Variants in LDB2 observed in about 807,000 individuals in gnomAD.
LDB2 encodes LIM domain binding 2.
A neutral mutation model predicts 44.3 loss-of-function variants in LDB2; 12 were observed. The observed-to-expected ratio is 0.27, with a 90% CI of 0.17 to 0.44. The LOEUF (loss-of-function observed/expected upper bound fraction) is 0.44, where lower values mean the gene tolerates loss of function less well. LDB2 is among the 20% of genes least tolerant of loss of function. The pLI is 1.00. For synonymous variants in LDB2, 164 were observed against 174.8 expected (o/e 0.94, Z 0.49); for missense variants, 344 against 473.5 (o/e 0.73, Z 2.54).
At chr4:16,732,809 G>T (rs566523712) in intron 2 of LDB2, among the ~76,000 whole-genome samples, 1 of 152,302 alleles carries the variant, frequency 6.6e-6, no homozygotes, top group East Asian at 1.9e-4. Context: ...TTTCTGAAAA[G>T]AGTTTTGGCA....
At chr4:16,727,374 T>A (rs1759735615) in intron 2 of LDB2, among the ~76,000 whole-genome samples, 1 of 152,180 alleles carries the variant, frequency 6.6e-6, no homozygotes, top group Non-Finnish European at 1.5e-5. Context: ...TGTGTGTCTG[T>A]CAAGCCCACA....
At chr4:16,641,081 A>C (rs1735020356) in intron 2 of LDB2, among the ~76,000 whole-genome samples, 1 of 152,198 alleles carries the variant, frequency 6.6e-6, no homozygotes, top group Admixed American at 6.5e-5. Flanking sequence ...ATGGACATAG[A>C]TGGAAACTGG....
At chr4:16,804,997 C>A (rs773264097) in intron 1 of LDB2, among the ~76,000 whole-genome samples, 4 of 151,966 alleles carry the variant, frequency 2.6e-5, no homozygotes, top group Non-Finnish European at 4.4e-5. Context: ...AGACATCCAC[C>A]TTCTCTCTGT....
intron 5 of LDB2, among the ~76,000 whole-genome samples, chr4:16,572,589 G>A (rs1746965719): frequency 6.6e-6 from 1 of 151,900 alleles, no homozygotes; most frequent in Non-Finnish European, 1.5e-5. Flanking sequence ...GTATATATAT[G>A]TGTGTGTGTG....
intron 2 of LDB2, among the ~76,000 whole-genome samples, chr4:16,742,677 A>G (rs1423781198): frequency 4.6e-5 from 7 of 152,214 alleles, no homozygotes; most frequent in African/African-American, 1.7e-4. Flanking sequence ...AAAAAAGCAG[A>G]GGACGCTCAT....
intron 5 of LDB2, among the ~76,000 whole-genome samples, chr4:16,541,940 G>T (rs1249194627): frequency 6.6e-6 from 1 of 152,046 alleles, no homozygotes; most frequent in Non-Finnish European, 1.5e-5. Context: ...GCTGTACATG[G>T]TTTTTTCCCA....
At chr4:16,758,764 A>T (rs1412438457) in intron 2 of LDB2, among the ~76,000 whole-genome samples, 10 of 152,232 alleles carry the variant, frequency 6.6e-5, no homozygotes. Flanking sequence ...GATGTGGCTG[A>T]TACAGTGACA....
At chr4:16,601,502 C>T (rs538892727) in intron 2 of LDB2, among the ~76,000 whole-genome samples, 2 of 152,176 alleles carry the variant, frequency 1.3e-5, no homozygotes, top group African/African-American at 4.8e-5. Flanking sequence ...TGCCATTTAA[C>T]ATATTATCAC....
chr4:16,803,712 A>G (rs1042746108), intron 1 of LDB2, among the ~76,000 whole-genome samples: 7 of 152,206 alleles, frequency 4.6e-5, no homozygotes, highest in African/African-American at 1.7e-4. Flanking sequence ...CTTTATTTTC[A>G]TTGTTGCTGA....
chr4:16,698,772 C>A (rs956182036), intron 2 of LDB2, among the ~76,000 whole-genome samples: 2 of 152,100 alleles, frequency 1.3e-5, no homozygotes, highest in African/African-American at 4.8e-5. Context: ...TAAGTAAATG[C>A]AAACTTATTA....
chr4:16,726,992 C>T (rs183227587), intron 2 of LDB2, among the ~76,000 whole-genome samples: 4 of 152,132 alleles, frequency 2.6e-5, no homozygotes, highest in South Asian at 4.2e-4. Context: ...TAACATGGGT[C>T]GGTTTGCTTT....
At chr4:16,831,530 A>T (rs1052977797) in intron 1 of LDB2, among the ~76,000 whole-genome samples, 25 of 152,120 alleles carry the variant, frequency 1.6e-4, no homozygotes, top group Admixed American at 3.9e-4. Flanking sequence ...GGCTTTGAAG[A>T]AGGCAGTGGT....
chr4:16,624,918 A>G (rs1192495169), intron 2 of LDB2, among the ~76,000 whole-genome samples: 1 of 152,208 alleles, frequency 6.6e-6, no homozygotes, highest in Non-Finnish European at 1.5e-5. Flanking sequence ...GGATGGTTAA[A>G]ATACTCAGAG....
At chr4:16,563,480 G>A (rs1414228863) in intron 5 of LDB2, among the ~76,000 whole-genome samples, 7 of 103,402 alleles carry the variant, frequency 6.8e-5, no homozygotes, top group Admixed American at 3.2e-4. Context: ...ATGGAGTCTC[G>A]CTCTGTCACC....
intron 2 of LDB2, among the ~76,000 whole-genome samples, chr4:16,740,563 T>A (rs1431931339): frequency 6.6e-6 from 1 of 152,224 alleles, no homozygotes; most frequent in African/African-American, 2.4e-5. Flanking sequence ...TCATGAACTT[T>A]CTGCATCGGT....
At chr4:16,646,494 C>T (rs1008247163) in intron 2 of LDB2, among the ~76,000 whole-genome samples, 3 of 152,178 alleles carry the variant, frequency 2.0e-5, no homozygotes, top group Admixed American at 1.3e-4. Context: ...GTGTGACTTG[C>T]TTTGGCCAAA....
At chr4:16,858,731 T>C (rs1047319887) in intron 1 of LDB2, among the ~76,000 whole-genome samples, 3 of 152,206 alleles carry the variant, frequency 2.0e-5, no homozygotes, top group Non-Finnish European at 4.4e-5. Context: ...GTTGGATTTA[T>C]TTTTTTAAAC....
chr4:16,755,146 G>A (rs1488298657), intron 2 of LDB2, among the ~76,000 whole-genome samples: 1 of 152,198 alleles, frequency 6.6e-6, no homozygotes, highest in East Asian at 1.9e-4. Flanking sequence ...TGGTGGTTGT[G>A]ACTGTCATAA....
Position 16,863,656 on chromosome 4 carries a change from C to CTTTTTTT in LDB2, c.132+34691_132+34697dup, listed in dbSNP as rs143950913. Among the ~76,000 whole-genome samples the CTTTTTTT allele has an allele frequency of 7.6e-4, 70 of 91,926 alleles. 3 individuals carry two copies. The East Asian group carries it at 0.013, about 17-fold the overall frequency. 60.3% of individuals were successfully genotyped at this position (91,926 alleles called of 152,430 possible). Reference sequence around the variant, plus strand: ...ACCTCCTCCACCAGACTCACATTCTCTTTTTTTTTTTTTTTTTTTTTTGAG... The same window carrying CTTTTTTT: ...ACCTCCTCCACCAGACTCACATTCTCTTTTTTTTTTTTTTTTTTTTTTTTTTTTTGAG... On this transcript the variant is annotated intron_variant, in intron 1 of 7. Transcript: ENST00000304523.
Sources: allele counts gnomAD v4.1 joint callset (sites outside exome capture counted in the v4.1 genomes callset), GRCh38; gene constraint gnomAD v4.1.1; transcripts MANE v1.5; gene names NCBI Gene and HGNC (gene_info 2026-07-23, HGNC 2026-07-21).